Variants in DFFB observed in about 807,000 individuals in gnomAD.
The protein encoded by DFFB is DNA fragmentation factor 40 kDa subunit.
A neutral mutation model predicts 32.7 loss-of-function variants in DFFB; 29 were observed. The observed-to-expected ratio is 0.89, with a 90% CI of 0.66 to 1.21. DFFB has a LOEUF of 1.21. Ranked by LOEUF, DFFB falls within the 50% of genes most tolerant of loss-of-function variation. DFFB has a pLI of 0.00. For synonymous variants in DFFB, 170 were observed against 177.1 expected, an observed-to-expected ratio of 0.96 and a Z score of 0.32; for missense variants, 398 against 440.6, an observed-to-expected ratio of 0.90 and a Z score of 0.87.
chr1:3,883,323 A>T (rs1477650762), intron 6 of DFFB, among the ~76,000 whole-genome samples, 184 bp from the exon 7 acceptor site: 2 of 152,240 alleles, frequency 1.3e-5, no homozygotes, highest in Admixed American at 1.3e-4. Flanking sequence ...AGTTTTAAAA[A>T]GTAAGAGGAG....
chr1:3,881,724 G>C (rs1645341955), intron 6 of DFFB, among the ~76,000 whole-genome samples: 1 of 152,156 alleles, frequency 6.6e-6, no homozygotes. Context: ...ACAAAAATTA[G>C]CTGGGTGTGG....
In DFFB at chr1:3,884,098, G is replaced by C; in HGVS notation, c.*357G>C. ...GGGGTTTCACCATGTTGGTCAGGCT[G>C]GTCTCAAACTCCTGACCTCAGGTGA... On this transcript the variant is annotated 3_prime_UTR_variant, in exon 7 of 7. Transcript: ENST00000378209. The C allele has an allele frequency of 3.7e-6, 1 of 268,696 alleles. No homozygotes were observed. The highest frequency in any genetic ancestry group is 9.6e-5 in the East Asian group (1 of 10,372). The allele number at this position is 268,696 out of a possible 1,614,324, so 16.6% of individuals were successfully genotyped here.
chr1:3,872,927 G>A, intron 6 of DFFB: 57 of 1,213,926 alleles, frequency 4.7e-5, no homozygotes, highest in Non-Finnish European at 6.0e-5. Context: ...GAACCTCTGT[G>A]AGTTTGAACC....
At position 3,883,876 on chromosome 1, in the gene DFFB, T is replaced by G; in HGVS notation, c.*135T>G. On this transcript the variant is annotated 3_prime_UTR_variant, in exon 7 of 7. Coordinates refer to ENST00000378209, the MANE Select transcript of DFFB (RefSeq NM_004402.4). ...CCTGGAAAAAACCTTAAAAAATGTT[T>G]CCTCCAAATCTGATTTCATTACATT... 9 of 660,974 alleles carry G rather than the reference T, an allele frequency of 1.4e-5. No individual in the cohort carries two copies. The highest frequency in any genetic ancestry group is 2.1e-5 in the Non-Finnish European group (8 of 381,620). The allele number at this position is 660,974 out of a possible 1,614,324, so 40.9% of individuals were successfully genotyped here. A position where few individuals can be genotyped will look rare whatever the true frequency, so the allele number is the denominator to read the frequency against.
chr1:3,870,182 G>A (rs748965600), intron 5 of DFFB, among the ~76,000 whole-genome samples: 1 of 152,240 alleles, frequency 6.6e-6, no homozygotes, highest in Non-Finnish European at 1.5e-5. Flanking sequence ...CTGCTGCACC[G>A]TGCTAGGCGT....
At chr1:3,860,305 T>A (rs1174588201) in intron 2 of DFFB, 2 of 265,626 alleles carry the variant, frequency 7.5e-6, no homozygotes, top group African/African-American at 4.4e-5. Flanking sequence ...TTGCTCACTG[T>A]AGCCTCGACC....
chr1:3,872,617 C>G, intron 6 of DFFB, 45 bp downstream of exon 6: 1 of 1,532,748 alleles, frequency 6.5e-7, no homozygotes, highest in South Asian at 1.1e-5. Context: ...GCCTGCAGGG[C>G]CCTGTCCCTG....
chr1:3,866,731 C>G (rs1644988134), intron 3 of DFFB, among the ~76,000 whole-genome samples: 2 of 152,080 alleles, frequency 1.3e-5, no homozygotes, highest in Admixed American at 6.5e-5. Flanking sequence ...TCCCCCTTCC[C>G]CCTCCGCCAG....
intron 4 of DFFB, among the ~76,000 whole-genome samples, chr1:3,869,207 G>A (rs1645060261): frequency 6.6e-6 from 1 of 152,208 alleles, no homozygotes; most frequent in Non-Finnish European, 1.5e-5. Flanking sequence ...TTACAGGCAT[G>A]TACCACCATG....
Position 3,865,863 on chromosome 1 carries a change from G to GGC in DFFB, c.294_295dup (p.Leu99ArgfsTer59), listed in dbSNP as rs1557712530. ...AGTGCATTTCACGAGCCACAGGTGG[G>GGC]GCTCATCCAGGCCGCCCAGCAGCTG... On this transcript the variant is annotated frameshift_variant, in exon 3 of 7. Transcript: ENST00000378209. LOFTEE classifies it high-confidence loss of function. The surrounding 1 kb of genome is among the most constrained non-coding windows in gnomAD (Gnocchi z 4.7). The GGC allele has an allele frequency of 5.0e-6, 8 of 1,614,008 alleles. No homozygotes were observed. Among genetic ancestry groups the GGC allele is most frequent in the African/African-American group, 1.3e-5 (1 of 74,910 alleles).
At chr1:3,881,513 G>A (rs924468502) in intron 6 of DFFB, among the ~76,000 whole-genome samples, 2 of 152,218 alleles carry the variant, frequency 1.3e-5, no homozygotes, top group Non-Finnish European at 2.9e-5. Flanking sequence ...TTGCCTGTGT[G>A]CACTAATTTC....
At chr1:3,880,102 TG>T (rs1379488406) in intron 6 of DFFB, among the ~76,000 whole-genome samples, 1 of 152,164 alleles carries the variant, frequency 6.6e-6, no homozygotes, top group African/African-American at 2.4e-5. Flanking sequence ...ATGGGGTCTT[TG>T]GTTCAGCTTG....
Position 3,857,631 on chromosome 1 carries a change from C to A in DFFB, c.28C>A (p.Leu10Met), listed in dbSNP as rs760067256. 6.2e-7 allele frequency: 1 copy of A among 1,601,710 alleles called. No individual in the cohort carries two copies. The highest frequency in any genetic ancestry group is 1.7e-5 in the Admixed American group (1 of 58,634). The change falls in exon 1 of 7, where the codon CTG (leucine) becomes ATG (methionine). Residue 10 changes from leucine (L) to methionine (M), a missense_variant. Physicochemically the swap from Leu to Met is conservative, Grantham distance 15. Transcript: ENST00000378209. The stretch of plus-strand genomic sequence containing the variant: ...GCTCCAGAAGCCCAAGAGCGTGAAG[C>A]TGCGGGCCCTGCGCAGCCCGAGGAA... Reference protein sequence around the residue: MLQKPKSVKLRALRSPRKFG... With the variant: MLQKPKSVKMRALRSPRKFG...
In DFFB at chr1:3,866,006, TG is replaced by T; in HGVS notation, c.430+11del. ...GGACCCGCCGTGGTTTGAAGGTGCG[TG>T]GGGGCTGCAGCTGGCAGGGGAGAGG... On this transcript the variant is annotated splice_region_variant and intron_variant, in intron 3 of 6. Coordinates refer to ENST00000378209, the MANE Select transcript of DFFB (RefSeq NM_004402.4). 6.5e-7 allele frequency: 1 copy of T among 1,547,224 alleles called. No homozygotes were observed. The highest frequency in any genetic ancestry group is 8.7e-7 in the Non-Finnish European group (1 of 1,146,830).
At chr1:3,867,026 G>C (rs1644997419) in intron 3 of DFFB, among the ~76,000 whole-genome samples, 1 of 152,166 alleles carries the variant, frequency 6.6e-6, no homozygotes, top group South Asian at 2.1e-4. Flanking sequence ...CTCCCGAGTA[G>C]CTGGGATTAC....
intron 1 of DFFB, among the ~76,000 whole-genome samples, chr1:3,858,364 G>A (rs1436618534): frequency 2.0e-5 from 3 of 152,232 alleles, no homozygotes; most frequent in Non-Finnish European, 4.4e-5. Context: ...GCGGCTGTGT[G>A]CTGGGGATGG....
At chr1:3,874,241 G>A (rs1421807268) in intron 6 of DFFB, among the ~76,000 whole-genome samples, 1 of 147,126 alleles carries the variant, frequency 6.8e-6, no homozygotes, top group Admixed American at 6.7e-5. Flanking sequence ...AGTTTAACAT[G>A]TACATATGTG....
intron 6 of DFFB, among the ~76,000 whole-genome samples, chr1:3,877,255 G>A (rs1333398502): frequency 1.3e-5 from 2 of 150,672 alleles, no homozygotes; most frequent in Non-Finnish European, 2.9e-5. Context: ...TCATTTGTTC[G>A]TGTCTCTTTT....
intron 6 of DFFB, among the ~76,000 whole-genome samples, chr1:3,875,228 A>T (rs537412657): frequency 6.6e-6 from 1 of 152,354 alleles, no homozygotes; most frequent in East Asian, 1.9e-4. Context: ...ACTCTATGGA[A>T]TGAACCCATA....
Sources: gnomAD v4.1 joint callset for allele counts (sites outside exome capture counted in the v4.1 genomes callset) on GRCh38, gnomAD v4.1.1 for gene constraint, Gnocchi (gnomAD v3.1) non-coding constraint, MANE v1.5 for transcripts, NCBI Gene and HGNC (gene_info 2026-07-23, HGNC 2026-07-21) for gene names.